The following COG5 variants were observed in gnomAD, a reference collection of about 807,000 sequenced individuals.
The protein encoded by COG5 is component of oligomeric golgi complex 5, also known as conserved oligomeric Golgi complex subunit 5.
Under a neutral mutation model 110.4 loss-of-function variants are expected in COG5, and 86 were observed. The ratio of observed to expected loss-of-function variants is 0.78; its 90% CI spans 0.65 to 0.93. The LOEUF is 0.93. Among genes scored for constraint, COG5 ranks in the 40% least tolerant of loss-of-function variants. The probability of loss-of-function intolerance (pLI) is 0.00; values close to 1 mark genes in which losing one functional copy is unlikely to be tolerated. For missense variants in COG5, 1,077 were observed against 987.0 expected, an observed-to-expected ratio of 1.09 and a Z score of -1.22; for synonymous variants, 360 against 334.6, an observed-to-expected ratio of 1.08 and a Z score of -0.83.
intron 19 of COG5, among the ~76,000 whole-genome samples, chr7:107,225,736 T>C (rs1800286869): frequency 6.6e-6 from 1 of 152,188 alleles, no homozygotes; most frequent in Non-Finnish European, 1.5e-5. Context: ...TAGTAGATGC[T>C]ATTATTTTAA....
chr7:107,415,728 A>ATG lies in COG5; in HGVS notation c.539-3097_539-3096insCA, dbSNP rs1368380541. Among the ~76,000 whole-genome samples the ATG allele has an allele frequency of 1.5e-3, 218 of 149,706 alleles. 1 individual carries two copies. The highest frequency in any genetic ancestry group is 5.2e-3 in the African/African-American group (213 of 40,778). ...TACGTGTGCATGAATGTATATATGT[A>ATG]TATGTATATAAATACATGTATGTAT... On this transcript the variant is annotated intron_variant, in intron 6 of 21. Coordinates refer to ENST00000297135, the MANE Select transcript of COG5 (RefSeq NM_006348.5).
At chr7:107,294,815 A>G (rs1584634308) in intron 12 of COG5, among the ~76,000 whole-genome samples, 1 of 134,374 alleles carries the variant, frequency 7.4e-6, no homozygotes. Context: ...TCCTGGGTTC[A>G]TGCAGTTTTC....
At position 107,311,820 on chromosome 7, in the gene COG5, T is replaced by C. The variant is rs919748339; in HGVS notation, c.1108+12620A>G. Among the ~76,000 whole-genome samples the C allele has an allele frequency of 3.4e-4, 52 of 150,976 alleles. 1 individual carries two copies. The highest frequency in any genetic ancestry group is 1.0e-3 in the African/African-American group (42 of 41,256). Reference sequence around the variant, plus strand: ...TTTTTTTCTATTTTGTCATTTTTCCTTTTTTTTTGCTCAAGGTTTTTTTCC... The same window carrying C: ...TTTTTTTCTATTTTGTCATTTTTCCCTTTTTTTTGCTCAAGGTTTTTTTCC... On this transcript the variant is annotated intron_variant, in intron 11 of 21. Coordinates refer to ENST00000297135, the MANE Select transcript of COG5 (RefSeq NM_006348.5).
At chr7:107,402,736 G>T (rs959346143) in intron 7 of COG5, among the ~76,000 whole-genome samples, 1 of 152,154 alleles carries the variant, frequency 6.6e-6, no homozygotes, top group Non-Finnish European at 1.5e-5. Flanking sequence ...ATATCTAGTC[G>T]CATGCTGTGA....
At chr7:107,383,552 A>G (rs938526174) in intron 7 of COG5, among the ~76,000 whole-genome samples, 3 of 152,118 alleles carry the variant, frequency 2.0e-5, no homozygotes, top group Non-Finnish European at 4.4e-5. Context: ...CCCCTACCTC[A>G]AGGGTGCAAG....
At chr7:107,373,556 T>C (rs1233566166) in intron 7 of COG5, among the ~76,000 whole-genome samples, 3 of 152,086 alleles carry the variant, frequency 2.0e-5, no homozygotes, top group Admixed American at 6.5e-5. Flanking sequence ...AGTGCTGAGA[T>C]AGCAATGTGC....
intron 12 of COG5, among the ~76,000 whole-genome samples, chr7:107,293,883 C>A (rs946804816): frequency 6.6e-6 from 1 of 151,918 alleles, no homozygotes; most frequent in Non-Finnish European, 1.5e-5. Context: ...ACTAGCCTGG[C>A]CAAAATGGCG....
At chr7:107,232,337 T>C (rs911294637) in intron 18 of COG5, among the ~76,000 whole-genome samples, 1 of 152,232 alleles carries the variant, frequency 6.6e-6, no homozygotes, top group African/African-American at 2.4e-5. Context: ...TCACTTACTT[T>C]ACACTGAGCA....
At chr7:107,445,703 G>A (rs1229960713) in intron 6 of COG5, among the ~76,000 whole-genome samples, 1 of 152,136 alleles carries the variant, frequency 6.6e-6, no homozygotes, top group African/African-American at 2.4e-5. Flanking sequence ...AAAATATTGT[G>A]ATGACTAAAA....
Position 107,474,392 on chromosome 7 carries a change from C to T in COG5, c.538+52845G>A. Reference sequence around the variant, plus strand: ...CTTCTGCTTTCACTGGAGAGTAACACTGCTCTCATTTGCTGTTTCCATGAG... The same window carrying T: ...CTTCTGCTTTCACTGGAGAGTAACATTGCTCTCATTTGCTGTTTCCATGAG... On this transcript the variant is annotated intron_variant, in intron 6 of 21. Transcript: ENST00000297135. This position sits in a 1 kb window ranked among gnomAD's most constrained non-coding sequence, Gnocchi z 5.7. 6.2e-7 allele frequency: 1 copy of T among 1,611,198 alleles called. No homozygotes were observed. Among genetic ancestry groups the T allele is most frequent in the Non-Finnish European group, 8.5e-7 (1 of 1,177,562 alleles).
chr7:107,475,252 A>T, intron 6 of COG5: 1 of 1,604,764 alleles, frequency 6.2e-7, no homozygotes, highest in Non-Finnish European at 8.5e-7. Flanking sequence ...CCTGCCTAAT[A>T]ATGCTGTAAT....
intron 17 of COG5, among the ~76,000 whole-genome samples, chr7:107,238,184 C>G (rs993911219): frequency 2.0e-5 from 3 of 152,166 alleles, no homozygotes; most frequent in Non-Finnish European, 4.4e-5. Flanking sequence ...AACTGCCATT[C>G]TACTCTCTGT....
intron 6 of COG5, among the ~76,000 whole-genome samples, chr7:107,473,613 C>A (rs1176897529): frequency 6.6e-6 from 1 of 151,932 alleles, no homozygotes; most frequent in African/African-American, 2.4e-5. Flanking sequence ...CACCTACACT[C>A]ATTATGCTAG....
chr7:107,269,331 C>T (rs903150201), intron 14 of COG5, among the ~76,000 whole-genome samples: 17 of 151,874 alleles, frequency 1.1e-4, no homozygotes, highest in East Asian at 1.9e-4. Flanking sequence ...AAAAATTAGC[C>T]GGGTGTGGTG....
intron 6 of COG5, among the ~76,000 whole-genome samples, chr7:107,413,203 C>T (rs1357984917): frequency 1.3e-5 from 2 of 151,680 alleles, no homozygotes; most frequent in Non-Finnish European, 2.9e-5. Context: ...TTTTAAGAGA[C>T]AGGGTCTCAC....
At chr7:107,417,767 T>C (rs1032697697) in intron 6 of COG5, among the ~76,000 whole-genome samples, 2 of 148,336 alleles carry the variant, frequency 1.3e-5, no homozygotes, top group African/African-American at 4.9e-5. Flanking sequence ...ATTGATAGTC[T>C]AATCTAAGTT....
At chr7:107,504,747 A>G (rs1221978686) in intron 6 of COG5, among the ~76,000 whole-genome samples, 3 of 152,092 alleles carry the variant, frequency 2.0e-5, no homozygotes, top group Non-Finnish European at 4.4e-5. Context: ...TGTTTCCAGG[A>G]ATTTATCCAT....
At chr7:107,400,959 A>G (rs1259498073) in intron 7 of COG5, among the ~76,000 whole-genome samples, 1 of 152,160 alleles carries the variant, frequency 6.6e-6, no homozygotes, top group Non-Finnish European at 1.5e-5. Context: ...AGAGTAGGAG[A>G]AAAGAAAAGA....
intron 19 of COG5, among the ~76,000 whole-genome samples, chr7:107,221,081 T>A (rs1374821026): frequency 6.6e-6 from 1 of 152,054 alleles, no homozygotes; most frequent in Non-Finnish European, 1.5e-5. Flanking sequence ...CCTCCCAAAG[T>A]GCTGGAATTA....
Sources: allele counts gnomAD v4.1 joint callset (sites outside exome capture counted in the v4.1 genomes callset), GRCh38; gene constraint gnomAD v4.1.1; non-coding constraint Gnocchi (gnomAD v3.1); transcripts MANE v1.5; gene names NCBI Gene and HGNC (gene_info 2026-07-23, HGNC 2026-07-21).